The following KLHL29 variants were observed in gnomAD, a reference collection of about 807,000 sequenced individuals.
The protein encoded by KLHL29 is kelch-like protein 29.
Under a neutral mutation model 80.4 loss-of-function variants are expected in KLHL29, and 21 were observed. That is an observed-to-expected ratio of 0.26 (90% confidence interval 0.19 to 0.38). KLHL29 has a LOEUF of 0.38. Among genes scored for constraint, KLHL29 ranks in the 10% least tolerant of loss-of-function variants. KLHL29 has a pLI of 1.00. For missense variants in KLHL29, 867 were observed against 1,223.9 expected (o/e 0.71, Z 4.35); for synonymous variants, 511 against 526.8 (o/e 0.97, Z 0.41).
intron 2 of KLHL29, among the ~76,000 whole-genome samples, chr2:23,504,120 G>C (rs1346102369): frequency 3.3e-5 from 5 of 152,196 alleles, no homozygotes; most frequent in Non-Finnish European, 7.3e-5. Context: ...GCAATCCCAG[G>C]TCATCAAGGG....
intron 3 of KLHL29, among the ~76,000 whole-genome samples, 191 bp from the exon 4 acceptor site, chr2:23,638,948 T>C (rs1477984273): frequency 3.9e-5 from 6 of 152,196 alleles, no homozygotes; most frequent in African/African-American, 9.6e-5. Context: ...GCTACTACTA[T>C]GGCAGAACCC....
chr2:23,525,107 T>G (rs1306531474), intron 2 of KLHL29, among the ~76,000 whole-genome samples: 1 of 152,216 alleles, frequency 6.6e-6, no homozygotes, highest in Non-Finnish European at 1.5e-5. Flanking sequence ...GCACTGATGC[T>G]GGGAGGGGAG....
intron 4 of KLHL29, among the ~76,000 whole-genome samples, chr2:23,641,003 G>A (rs572681884): frequency 1.2e-4 from 18 of 152,246 alleles, no homozygotes; most frequent in Middle Eastern, 6.8e-3. Context: ...GGTGCTGAGT[G>A]GCCCCCTGCC....
chr2:23,598,788 A>G (rs533116190), intron 3 of KLHL29, among the ~76,000 whole-genome samples: 10 of 152,274 alleles, frequency 6.6e-5, no homozygotes, highest in African/African-American at 2.4e-4. Flanking sequence ...TTCTTCCAAT[A>G]ATGGGATGGA....
intron 2 of KLHL29, among the ~76,000 whole-genome samples, chr2:23,478,101 G>A (rs1283150999): frequency 6.6e-6 from 1 of 152,126 alleles, no homozygotes; most frequent in Non-Finnish European, 1.5e-5. Context: ...GGTCCCTGTT[G>A]TGAACTCAAG....
Position 23,562,560 on chromosome 2 carries a change from G to T in KLHL29, c.285+79G>T. On this transcript the variant is annotated intron_variant, in intron 3 of 13. Transcript: ENST00000486442. This position sits in a 1 kb window ranked among gnomAD's most constrained non-coding sequence, Gnocchi z 4.5. ...CTGCAGGCTCAGGCCAGCCCCACAG[G>T]CTCCTGTGGGGCAGCCTGTGCTCCA... 1 of 1,420,868 alleles carries T rather than the reference G, an allele frequency of 7.0e-7. No homozygotes were observed. The highest frequency in any genetic ancestry group is 9.4e-7 in the Non-Finnish European group (1 of 1,064,198). The allele number at this position is 1,420,868 out of a possible 1,614,324, so 88.0% of individuals were successfully genotyped here. A position where few individuals can be genotyped will look rare whatever the true frequency, so the allele number is the denominator to read the frequency against.
chr2:23,552,025 G>A (rs1481701734), intron 2 of KLHL29, among the ~76,000 whole-genome samples: 1 of 152,248 alleles, frequency 6.6e-6, no homozygotes, highest in East Asian at 1.9e-4. Flanking sequence ...GGCAAATGAT[G>A]TAGTGGCTCT....
chr2:23,444,327 A>G (rs1663614544), intron 1 of KLHL29, among the ~76,000 whole-genome samples: 1 of 151,966 alleles, frequency 6.6e-6, no homozygotes, highest in Non-Finnish European at 1.5e-5. Context: ...ATGTTTTCTC[A>G]AACTGAATTT....
chr2:23,415,268 A>G (rs987269630), intron 1 of KLHL29, among the ~76,000 whole-genome samples: 11 of 152,224 alleles, frequency 7.2e-5, no homozygotes, highest in Non-Finnish European at 1.2e-4. Context: ...TAGCTTCCAC[A>G]GCAAGGCAGG....
At chr2:23,578,698 G>A (rs1667903478) in intron 3 of KLHL29, among the ~76,000 whole-genome samples, 1 of 152,178 alleles carries the variant, frequency 6.6e-6, no homozygotes, top group Non-Finnish European at 1.5e-5. Flanking sequence ...TTATCAAGTT[G>A]AATTGTGGGT....
Position 23,701,000 on chromosome 2 carries a change from C to T in KLHL29, c.2106-2186C>T, listed in dbSNP as rs1410711749. ...CCATTTCCAGCTTTGTGCCAGAGAT[C>T]CCACAGCTGAATATTTAATCCACAC... On this transcript the variant is annotated intron_variant, in intron 11 of 13. Coordinates refer to ENST00000486442, the MANE Select transcript of KLHL29 (RefSeq NM_052920.2). This position sits in a 1 kb window ranked among gnomAD's most constrained non-coding sequence, Gnocchi z 4.6. Among the ~76,000 whole-genome samples, 1 of 152,144 alleles carries T rather than the reference C, an allele frequency of 6.6e-6. No homozygotes were observed. Among genetic ancestry groups the T allele is most frequent in the African/African-American group, 2.4e-5 (1 of 41,434 alleles).
At chr2:23,569,052 A>G (rs1667654800) in intron 3 of KLHL29, among the ~76,000 whole-genome samples, 1 of 152,248 alleles carries the variant, frequency 6.6e-6, no homozygotes, top group African/African-American at 2.4e-5. Context: ...TTCTAAGTTC[A>G]GAAGCTCCAA....
chr2:23,496,273 A>G (rs1665263924), intron 2 of KLHL29, among the ~76,000 whole-genome samples: 1 of 152,212 alleles, frequency 6.6e-6, no homozygotes, highest in South Asian at 2.1e-4. Flanking sequence ...TTTTTTATGT[A>G]ATATGGTATT....
At chr2:23,519,654 C>T (rs1277945883) in intron 2 of KLHL29, among the ~76,000 whole-genome samples, 1 of 152,160 alleles carries the variant, frequency 6.6e-6, no homozygotes, top group East Asian at 1.9e-4. Context: ...GTGACACAGC[C>T]TCAGGAAGTC....
At chr2:23,513,340 T>C (rs1161146442) in intron 2 of KLHL29, among the ~76,000 whole-genome samples, 4 of 152,224 alleles carry the variant, frequency 2.6e-5, no homozygotes, top group African/African-American at 9.6e-5. Context: ...TGCCTCTTTC[T>C]GGAGTCCCTG....
At chr2:23,406,961 A>G (rs966297545) in intron 1 of KLHL29, among the ~76,000 whole-genome samples, 2 of 152,192 alleles carry the variant, frequency 1.3e-5, no homozygotes, top group African/African-American at 2.4e-5. Context: ...AGAATCTATT[A>G]TTTGTCACTT....
intron 3 of KLHL29, among the ~76,000 whole-genome samples, chr2:23,630,625 C>T (rs1437762331): frequency 1.3e-5 from 2 of 152,124 alleles, no homozygotes; most frequent in Non-Finnish European, 2.9e-5. Flanking sequence ...GCTAGGACTA[C>T]AGGCACACAC....
chr2:23,422,969 G>T (rs531982095), intron 1 of KLHL29, among the ~76,000 whole-genome samples: 32 of 152,378 alleles, frequency 2.1e-4, no homozygotes, highest in African/African-American at 7.7e-4. Context: ...AGCCATTTAT[G>T]CCCCTATTGC....
intron 5 of KLHL29, chr2:23,667,884 C>T (rs1406536495): frequency 6.6e-6 from 1 of 152,384 alleles, no homozygotes; most frequent in African/African-American, 2.4e-5. Flanking sequence ...CGCCGTCCTC[C>T]CTCTGTTCCT....
Sources: allele counts gnomAD v4.1 joint callset (sites outside exome capture counted in the v4.1 genomes callset), GRCh38; gene constraint gnomAD v4.1.1; non-coding constraint Gnocchi (gnomAD v3.1); transcripts MANE v1.5; gene names NCBI Gene and HGNC (gene_info 2026-07-23, HGNC 2026-07-21).